Variants in LAMC1 observed in about 807,000 individuals in gnomAD.
The protein encoded by LAMC1 is laminin subunit gamma 1, also known as laminin subunit gamma-1.
A neutral mutation model predicts 173.6 loss-of-function variants in LAMC1; 38 were observed. The observed-to-expected ratio is 0.22, with a 90% CI of 0.17 to 0.29. The LOEUF (loss-of-function observed/expected upper bound fraction) is 0.29. Ranked by LOEUF, LAMC1 falls within the 10% of genes least tolerant of loss-of-function variation. LAMC1 has a pLI of 1.00. For missense variants in LAMC1, 1,824 were observed against 2,051.8 expected (o/e 0.89, Z 2.14); for synonymous variants, 746 against 749.1 (o/e 1.00, Z 0.07).
At chr1:183,099,765 G>T (rs1655786384) in intron 1 of LAMC1, among the ~76,000 whole-genome samples, 1 of 152,038 alleles carries the variant, frequency 6.6e-6, no homozygotes, top group Non-Finnish European at 1.5e-5. Context: ...TGAGTCCCAA[G>T]TCTCTGTCTC....
chr1:183,130,291 TG>T, intron 18 of LAMC1, 52 bp from the exon 19 acceptor site: 1 of 1,455,802 alleles, frequency 6.9e-7, no homozygotes, highest in Non-Finnish European at 9.6e-7. Context: ...TCATGTGAGA[TG>T]ATATGATCCT....
Position 183,114,637 on chromosome 1 carries a change from C to T in LAMC1, c.1128C>T (p.Gly376=), listed in dbSNP as rs746539559. Residue 376 remains glycine, a synonymous_variant, in exon 5 of 28, where the codon GGC becomes GGT. Coordinates refer to ENST00000258341, the MANE Select transcript of LAMC1 (RefSeq NM_002293.4). ...CCAACTGCCAGGATAACACAGATGG[C>T]GCCCACTGTGAGAGGTGCCGAGAGA... ...HCTNCQDNTD[G]AHCERCRENF... 1.1e-5 allele frequency: 17 copies of T among 1,614,060 alleles called. No homozygotes were observed. In the Middle Eastern group the frequency reaches 4.9e-4, roughly 47 times the overall value.
At chr1:183,118,638 G>A (rs990951868) in intron 11 of LAMC1, among the ~76,000 whole-genome samples, 11 of 151,590 alleles carry the variant, frequency 7.3e-5, no homozygotes, top group African/African-American at 7.3e-5. Context: ...GATGAGATTC[G>A]CTTAAACCCG....
chr1:183,116,129 C>A (rs867674838), intron 6 of LAMC1, among the ~76,000 whole-genome samples: 312 of 127,234 alleles, frequency 2.5e-3, no homozygotes, highest in Middle Eastern at 8.5e-3. Context: ...GACTCTGTCT[C>A]AAAAAAAAAA....
chr1:183,095,059 T>C (rs1655658312), intron 1 of LAMC1, among the ~76,000 whole-genome samples: 1 of 152,206 alleles, frequency 6.6e-6, no homozygotes, highest in African/African-American at 2.4e-5. Flanking sequence ...TTGATCAGGC[T>C]GGTCTCCAAC....
intron 1 of LAMC1, among the ~76,000 whole-genome samples, chr1:183,085,026 G>A (rs1655389025): frequency 6.6e-6 from 1 of 152,062 alleles, no homozygotes. Context: ...AGACCAGCCT[G>A]GCCAACATGG....
intron 26 of LAMC1, among the ~76,000 whole-genome samples, chr1:183,139,938 T>C (rs1258025620): frequency 2.6e-5 from 4 of 152,156 alleles, no homozygotes; most frequent in Non-Finnish European, 4.4e-5. Flanking sequence ...AGAGCTTTAC[T>C]TAACTATGAA....
At chr1:183,066,060 T>C (rs969042882) in intron 1 of LAMC1, among the ~76,000 whole-genome samples, 7 of 152,240 alleles carry the variant, frequency 4.6e-5, no homozygotes, top group Non-Finnish European at 8.8e-5. Context: ...ATAGTGATTA[T>C]CATTATAAGC....
intron 18 of LAMC1, 60 bp from the exon 19 acceptor site, chr1:183,130,284 T>C (rs1405800772): frequency 1.4e-6 from 2 of 1,423,518 alleles, no homozygotes; most frequent in African/African-American, 1.4e-5. Flanking sequence ...TCAGATTTCA[T>C]GTGAGATGAT....
chr1:183,039,571 GTTGT>G (rs1014708305), intron 1 of LAMC1, among the ~76,000 whole-genome samples: 31 of 152,276 alleles, frequency 2.0e-4, no homozygotes, highest in African/African-American at 6.5e-4. Context: ...CTCTTGCTGG[GTTGT>G]TTATTATTGT....
chr1:183,113,463 C>G (rs1656222021), intron 4 of LAMC1, among the ~76,000 whole-genome samples: 1 of 152,136 alleles, frequency 6.6e-6, no homozygotes, highest in South Asian at 2.1e-4. Flanking sequence ...ATTTACTCTT[C>G]AAGATACTGT....
In LAMC1 at chr1:183,142,696, T is replaced by C. The variant is rs753436558; in HGVS notation, c.4736T>C (p.Ile1579Thr). The C allele has an allele frequency of 2.5e-6, 4 of 1,613,962 alleles. No individual in the cohort carries two copies. The highest frequency in any genetic ancestry group is 2.2e-5 in the East Asian group (1 of 44,876). Residue 1579 changes from isoleucine (I) to threonine (T), a missense_variant, in exon 28 of 28, where the codon ATC becomes ACC. Coordinates refer to ENST00000258341, the MANE Select transcript of LAMC1 (RefSeq NM_002293.4). ...EAAIMDYNRD[I>T]EEIMKDIRNL... is the part of the protein sequence containing the mutation. ...GCCATCATGGACTATAACCGAGATA[T>C]CGAGGAGATCATGAAGGACATTCGC...
intron 1 of LAMC1, among the ~76,000 whole-genome samples, chr1:183,085,124 T>C (rs1256528034): frequency 1.3e-5 from 2 of 151,050 alleles, no homozygotes; most frequent in Non-Finnish European, 2.9e-5. Context: ...GGCTGAGGCA[T>C]GGGAATTGCT....
rs3065304 is a variant in LAMC1, at chr1:183,131,172, C to CAA, written c.3487-110_3487-109dup. The CAA allele has an allele frequency of 0.048, 18,850 of 392,606 alleles. 169 individuals carry two copies. The highest frequency in any genetic ancestry group is 0.082 in the African/African-American group (2,947 of 35,922). 24.3% of individuals were successfully genotyped at this position (392,606 alleles called of 1,614,324 possible). On this transcript the variant is annotated intron_variant, in intron 19 of 27. Transcript: ENST00000258341. ...CTGGGCAACAAGAGTGAAACTATCT[C>CAA]AAAAAAAAAAAAAAAAAAGGTAGAG...
Position 183,023,894 on chromosome 1 carries a change from A to G in LAMC1, c.178A>G (p.Asn60Asp). Residue 60 changes from asparagine to aspartate, a missense_variant, in exon 1 of 28, where the codon AAC (asparagine) becomes GAC (aspartate). By Grantham distance (23) the Asn-to-Asp change is conservative. Transcript: ENST00000258341. ...CMPEFVNAAF[N>D]VTVVATNTCG... ...GCCCGAGTTCGTCAACGCCGCCTTC[A>G]ACGTGACTGTGGTGGCCACCAACAC... 6.2e-7 allele frequency: 1 copy of G among 1,612,954 alleles called. No homozygotes were observed. Among genetic ancestry groups the G allele is most frequent in the East Asian group, 2.2e-5 (1 of 44,842 alleles).
chr1:183,063,270 A>G (rs1002042391), intron 1 of LAMC1, among the ~76,000 whole-genome samples: 6 of 152,042 alleles, frequency 3.9e-5, no homozygotes, highest in Non-Finnish European at 7.4e-5. Flanking sequence ...GAGCTTGTTC[A>G]GCAAGATAGG....
rs145275334 is a variant in LAMC1 at position 183,084,650 on chromosome 1, G to A, written c.419-18678G>A. On this transcript the variant is annotated intron_variant, in intron 1 of 27. Transcript: ENST00000258341. The stretch of plus-strand genomic sequence containing the variant: ...CCCTTTTCTGAAAGGACAACTTAGA[G>A]GAGAAATTCTTTCATTATATTAGGC... 1.7e-4 allele frequency among the ~76,000 whole-genome samples: 26 copies of A among 152,274 alleles called. 2 individuals are homozygous for A. Among genetic ancestry groups the A allele is most frequent in the African/African-American group, 4.8e-4 (20 of 41,554 alleles).
At chr1:183,078,581 C>A (rs866401126) in intron 1 of LAMC1, among the ~76,000 whole-genome samples, 480 of 131,804 alleles carry the variant, frequency 3.6e-3, no homozygotes, top group East Asian at 4.6e-3. Flanking sequence ...GACTCCGTCT[C>A]AAAAAAAAAA....
chr1:183,085,576 C>A (rs1034713062), intron 1 of LAMC1, among the ~76,000 whole-genome samples: 6 of 151,878 alleles, frequency 4.0e-5, no homozygotes, highest in African/African-American at 1.4e-4. Flanking sequence ...ACCATTGTTG[C>A]CCAGGCTTGT....
Sources: allele counts gnomAD v4.1 joint callset (sites outside exome capture counted in the v4.1 genomes callset), GRCh38; gene constraint gnomAD v4.1.1; transcripts MANE v1.5; gene names NCBI Gene and HGNC (gene_info 2026-07-23, HGNC 2026-07-21).